Variants in AKAP6 observed in about 807,000 individuals in gnomAD.
AKAP6 encodes the protein A-kinase anchoring protein 6.
A neutral mutation model predicts 188.5 loss-of-function variants in AKAP6; 58 were observed. The ratio of observed to expected loss-of-function variants is 0.31; its 90% CI spans 0.25 to 0.38. The LOEUF (loss-of-function observed/expected upper bound fraction) is 0.38, where lower values mean the gene tolerates loss of function less well. Among genes scored for constraint, AKAP6 ranks in the 10% least tolerant of loss-of-function variants. The pLI is 1.00. For synonymous variants in AKAP6, 989 were observed against 998.6 expected, an observed-to-expected ratio of 0.99 and a Z score of 0.18; for missense variants, 2,710 against 2,740.0, an observed-to-expected ratio of 0.99 and a Z score of 0.24.
chr14:32,641,407 A>T (rs1887748751), intron 7 of AKAP6, among the ~76,000 whole-genome samples: 1 of 149,624 alleles, frequency 6.7e-6, no homozygotes, highest in Admixed American at 6.7e-5. Flanking sequence ...AGAGGCCGAG[A>T]TGGGAGGATT....
intron 5 of AKAP6, among the ~76,000 whole-genome samples, chr14:32,583,224 G>A (rs1300012806): frequency 4.6e-5 from 7 of 152,202 alleles, no homozygotes; most frequent in Admixed American, 4.6e-4. Context: ...ACCCTCAGCT[G>A]CAGGTCTGTT....
At chr14:32,651,818 C>G (rs1195467932) in intron 7 of AKAP6, among the ~76,000 whole-genome samples, 1 of 152,120 alleles carries the variant, frequency 6.6e-6, no homozygotes, top group African/African-American at 2.4e-5. Flanking sequence ...TTACTTGTAC[C>G]TCTATGTATT....
intron 8 of AKAP6, among the ~76,000 whole-genome samples, chr14:32,686,624 T>G (rs180784008): frequency 2.0e-5 from 3 of 152,012 alleles, no homozygotes; most frequent in Non-Finnish European, 4.4e-5. Context: ...ATAAAAAAAG[T>G]AGAAGAGGGA....
intron 2 of AKAP6, among the ~76,000 whole-genome samples, chr14:32,532,306 T>C (rs1209051929): frequency 2.0e-5 from 3 of 152,202 alleles, no homozygotes; most frequent in East Asian, 1.9e-4. Context: ...TCAGCACTTA[T>C]GGGAAGGGTG....
chr14:32,462,916 A>AAAAAAAAAAAAAAAAAC (rs1891389540), intron 2 of AKAP6, among the ~76,000 whole-genome samples: 7 of 93,804 alleles, frequency 7.5e-5, no homozygotes, highest in African/African-American at 3.5e-4. Context: ...AAAAAAAAAA[A>AAAAAAAAAAAAAAAAAC]AAAAAAAAAA....
At chr14:32,700,450 C>T (rs1357190484) in intron 9 of AKAP6, among the ~76,000 whole-genome samples, 1 of 152,138 alleles carries the variant, frequency 6.6e-6, no homozygotes, top group Non-Finnish European at 1.5e-5. Flanking sequence ...ATATTTGTTC[C>T]TTGAACGATA....
chr14:32,656,522 T>C (rs1189534591), intron 7 of AKAP6, among the ~76,000 whole-genome samples: 1 of 152,170 alleles, frequency 6.6e-6, no homozygotes, highest in Admixed American at 6.6e-5. Flanking sequence ...ATTTATTCAG[T>C]CCTCACTGGG....
At chr14:32,496,619 A>G (rs117194582) in intron 2 of AKAP6, among the ~76,000 whole-genome samples, 2,644 of 152,186 alleles carry the variant, frequency 0.017, 24 homozygotes, top group South Asian at 0.054. Flanking sequence ...CTGTTTGTAT[A>G]TTAATGTCAC....
At chr14:32,587,297 A>ACTGTC (rs1228018008) in intron 5 of AKAP6, among the ~76,000 whole-genome samples, 4 of 152,158 alleles carry the variant, frequency 2.6e-5, no homozygotes, top group African/African-American at 9.7e-5. Flanking sequence ...TGAATAGGAA[A>ACTGTC]TTTTTAAAAA....
intron 4 of AKAP6, among the ~76,000 whole-genome samples, chr14:32,565,279 C>T (rs190638837): frequency 6.6e-6 from 1 of 152,274 alleles, no homozygotes; most frequent in Admixed American, 6.5e-5. Flanking sequence ...TCATGATCTT[C>T]CTGCAAAACT....
intron 4 of AKAP6, among the ~76,000 whole-genome samples, chr14:32,574,396 A>G (rs557917232): frequency 3.9e-5 from 6 of 152,264 alleles, no homozygotes; most frequent in African/African-American, 7.2e-5. Flanking sequence ...CCCAGGACCA[A>G]TGGGTTTTGT....
intron 1 of AKAP6, among the ~76,000 whole-genome samples, chr14:32,424,015 T>A (rs752953453): frequency 6.6e-6 from 1 of 152,184 alleles, no homozygotes; most frequent in Non-Finnish European, 1.5e-5. Context: ...TTTCTCTATC[T>A]TTTCTTTCTG....
At chr14:32,386,417 C>T (rs1384027287) in intron 1 of AKAP6, among the ~76,000 whole-genome samples, 2 of 152,152 alleles carry the variant, frequency 1.3e-5, no homozygotes, top group Admixed American at 6.5e-5. Context: ...TGATAATTGT[C>T]TCTTCGTATC....
chr14:32,775,875 G>A (rs2033044731), intron 12 of AKAP6, among the ~76,000 whole-genome samples: 1 of 152,218 alleles, frequency 6.6e-6, no homozygotes, highest in African/African-American at 2.4e-5. Context: ...TGCTGAATGT[G>A]TAGACTGGAA....
At chr14:32,656,051 A>G (rs956802579) in intron 7 of AKAP6, among the ~76,000 whole-genome samples, 1 of 152,192 alleles carries the variant, frequency 6.6e-6, no homozygotes, top group African/African-American at 2.4e-5. Flanking sequence ...CATAATAAAA[A>G]TCTAGCCATC....
intron 11 of AKAP6, among the ~76,000 whole-genome samples, chr14:32,746,872 G>T (rs556813062): frequency 6.6e-6 from 1 of 152,122 alleles, no homozygotes; most frequent in Non-Finnish European, 1.5e-5. Flanking sequence ...TTGACAGCCG[G>T]CTGGAGGAAG....
chr14:32,545,140 T>C lies in AKAP6; in HGVS notation c.577-90T>C, dbSNP rs546099148. 18 of 1,260,584 alleles carry C rather than the reference T, an allele frequency of 1.4e-5. No homozygotes were observed. In the Admixed American group the frequency reaches 3.3e-4, roughly 23 times the overall value. The allele number at this position is 1,260,584 out of a possible 1,614,324, so 78.1% of individuals were successfully genotyped here. ...TAGGGACCAATACATTTGACCTTTA[T>C]AGTGCCCTGTACTGCAATTTCATTT... On this transcript the variant is annotated intron_variant, in intron 3 of 13. Transcript: ENST00000280979.
chr14:32,384,805 G>T (rs1338266285), intron 1 of AKAP6, among the ~76,000 whole-genome samples: 1 of 152,074 alleles, frequency 6.6e-6, no homozygotes, highest in African/African-American at 2.4e-5. Context: ...TGAAGTGTAC[G>T]TAAATTCTGA....
At position 32,813,395 on chromosome 14, in the gene AKAP6, C is replaced by CCCA. The variant is rs1555365146; in HGVS notation, c.3589-8005_3589-8004insACC. ...AGTTTTCATCTCTAACCCTACCCCCCCCCCCAACCCCTTTCCCAGAGGTCC... is the reference window on the plus strand; with the variant it reads ...AGTTTTCATCTCTAACCCTACCCCCCCCACCCCCAACCCCTTTCCCAGAGGTCC... On this transcript the variant is annotated intron_variant, in intron 12 of 13. Coordinates refer to ENST00000280979, the MANE Select transcript of AKAP6 (RefSeq NM_004274.5). Among the ~76,000 whole-genome samples the CCCA allele has an allele frequency of 8.4e-5, 10 of 119,562 alleles. 1 individual carries two copies. The highest frequency in any genetic ancestry group is 5.6e-4 in the Admixed American group (7 of 12,590). 78.4% of individuals were successfully genotyped at this position (119,562 alleles called of 152,430 possible). A position where few individuals can be genotyped will look rare whatever the true frequency, so the allele number is the denominator to read the frequency against.
Sources: allele counts gnomAD v4.1 joint callset (sites outside exome capture counted in the v4.1 genomes callset), GRCh38; gene constraint gnomAD v4.1.1; transcripts MANE v1.5; gene names NCBI Gene and HGNC (gene_info 2026-07-23, HGNC 2026-07-21).